Variants in ANKRD18B observed in about 807,000 individuals in gnomAD.
ANKRD18B encodes the protein ankyrin repeat domain 18B.
A neutral mutation model predicts 111.8 loss-of-function variants in ANKRD18B; 75 were observed. The observed-to-expected ratio is 0.67, with a 90% CI of 0.56 to 0.81. ANKRD18B has a LOEUF of 0.81. Ranked by LOEUF, ANKRD18B falls within the 40% of genes least tolerant of loss-of-function variation. The pLI is 0.00. For missense variants in ANKRD18B, 1,038 were observed against 1,225.5 expected (o/e 0.85, Z 2.28); for synonymous variants, 356 against 417.3 (o/e 0.85, Z 1.79).
intron 17 of ANKRD18B, among the ~76,000 whole-genome samples, chr9:33,570,483 C>T (rs886713642): frequency 2.0e-5 from 3 of 151,124 alleles, no homozygotes; most frequent in Non-Finnish European, 4.4e-5. Flanking sequence ...CTTTACTATA[C>T]ATATTTTTTT....
chr9:33,574,789 A>T (rs2040571420), downstream of ANKRD18B, among the ~76,000 whole-genome samples: 1 of 152,116 alleles, frequency 6.6e-6, no homozygotes, highest in South Asian at 2.1e-4. Flanking sequence ...GCATGCACAC[A>T]TGTCAGTTCA....
chr9:33,524,560 C>T lies in ANKRD18B; in HGVS notation c.71C>T (p.Ala24Val). 1 of 1,551,384 alleles carries T rather than the reference C, an allele frequency of 6.4e-7. No individual in the cohort carries two copies. Residue 24 changes from alanine (A) to valine (V), a missense_variant, in exon 1 of 19, where the codon GCG becomes GTG. By Grantham distance (64) the Ala-to-Val change is moderately conservative (BLOSUM62 0). This residue lies in a region of ANKRD18B where 216 missense variants were observed against 205.1 expected (regional missense o/e 1.05). Transcript: ENST00000684830. ...ALLSSMDQEY[A>V]GRGYHIRDWE... is the part of the protein sequence containing the mutation. ...CTGAGCTCCATGGACCAAGAGTATGCGGGTCGGGGGTACCACATTCGGGAC... is the reference window on the plus strand; with the variant it reads ...CTGAGCTCCATGGACCAAGAGTATGTGGGTCGGGGGTACCACATTCGGGAC...
chr9:33,545,598 G>T (rs534143808), intron 10 of ANKRD18B, among the ~76,000 whole-genome samples: 2 of 152,298 alleles, frequency 1.3e-5, no homozygotes, highest in Admixed American at 1.3e-4. Context: ...ACATATGACA[G>T]TCCCACTGCT....
chr9:33,525,608 G>A (rs1012519840), intron 1 of ANKRD18B, among the ~76,000 whole-genome samples: 17 of 152,016 alleles, frequency 1.1e-4, no homozygotes, highest in African/African-American at 3.4e-4. Flanking sequence ...TACATTTTAC[G>A]TTAACAGTGG....
intron 12 of ANKRD18B, among the ~76,000 whole-genome samples, chr9:33,554,474 G>A (rs1402451726): frequency 2.0e-5 from 3 of 152,182 alleles, no homozygotes; most frequent in South Asian, 2.1e-4. Context: ...CCAGGTTAAC[G>A]TTTTGAGATA....
At position 33,534,399 on chromosome 9, in the gene ANKRD18B, AC is replaced by A; in HGVS notation, c.633del (p.Leu212CysfsTer34). 1 of 1,549,626 alleles carries A rather than the reference AC, an allele frequency of 6.5e-7. No individual in the cohort carries two copies. On this transcript the variant is annotated frameshift_variant, in exon 5 of 19. Coordinates refer to ENST00000684830, the MANE Select transcript of ANKRD18B (RefSeq NM_001393611.1). LOFTEE classifies it high-confidence loss of function. ...GCCCTCATACTTGCAGTACAGCATA[AC>A]TTGTCAAGTATCGTCACCCTCCTGC... Reference protein sequence around the residue: ...RTALILAVQHNLSSIVTLLLQ... With the variant: ...RTALILAVQHXLSSIVTLLLQ...
intron 10 of ANKRD18B, among the ~76,000 whole-genome samples, chr9:33,545,320 C>T (rs539405931): frequency 1.6e-4 from 25 of 152,204 alleles, no homozygotes; most frequent in South Asian, 6.2e-4. Flanking sequence ...TATGCAAATA[C>T]GAGAAAATAT....
Position 33,548,355 on chromosome 9 carries a change from G to A in ANKRD18B, c.1567G>A (p.Val523Ile), listed in dbSNP as rs773496196. The change falls in exon 11 of 19, where the codon GTT becomes ATT. Residue 523 changes from valine (V) to isoleucine (I), a missense_variant. By Grantham distance (29) the Val-to-Ile change is conservative. This residue lies in a region of ANKRD18B where 205 missense variants were observed against 201.3 expected (regional missense o/e 1.02). Coordinates refer to ENST00000684830, the MANE Select transcript of ANKRD18B (RefSeq NM_001393611.1). Reference protein sequence around the residue: ...LELVLWRADDVSRHETMGSNI... With the variant: ...LELVLWRADDISRHETMGSNI... ...ACTAGTTTTATGGAGAGCAGATGAT[G>A]TTTCTAGACATGAAACAATGGGTTC... The A allele has an allele frequency of 5.8e-6, 9 of 1,549,910 alleles. No homozygotes were observed. The highest frequency in any genetic ancestry group is 1.2e-5 in the South Asian group (1 of 83,588).
In ANKRD18B at chr9:33,548,252, T is replaced by A; in HGVS notation, c.1464T>A (p.Ala488=). The stretch of plus-strand genomic sequence containing the variant: ...AACACAACAAAGAAAGACTAGAAGC[T>A]GAAGTTGAATCCCTCCATTCTAACT... ...KEKHNKERLE[A]EVESLHSNLA... is the part of the protein sequence containing the mutation. The change falls in exon 11 of 19, where the codon GCT becomes GCA. Residue 488 remains alanine, a synonymous_variant. Coordinates refer to ENST00000684830, the MANE Select transcript of ANKRD18B (RefSeq NM_001393611.1). 1 of 1,551,122 alleles carries A rather than the reference T, an allele frequency of 6.4e-7. No homozygotes were observed. The highest frequency in any genetic ancestry group is 2.4e-5 in the East Asian group (1 of 40,904).
chr9:33,568,969 G>C, intron 17 of ANKRD18B, 76 bp downstream of exon 17: 1 of 1,331,188 alleles, frequency 7.5e-7, no homozygotes, highest in Non-Finnish European at 1.0e-6. Flanking sequence ...GTGAAATACT[G>C]AGTTGTTCTG....
intron 1 of ANKRD18B, among the ~76,000 whole-genome samples, chr9:33,526,110 T>A (rs1828021489): frequency 6.6e-6 from 1 of 152,204 alleles, no homozygotes; most frequent in African/African-American, 2.4e-5. Context: ...TTTGTGAGAA[T>A]AAAGAGCAGT....
At chr9:33,549,696 A>G (rs1695150693) in intron 11 of ANKRD18B, among the ~76,000 whole-genome samples, 1 of 152,148 alleles carries the variant, frequency 6.6e-6, no homozygotes, top group Non-Finnish European at 1.5e-5. Context: ...TGTCAGTCTC[A>G]CATTATGTAT....
At position 33,568,729 on chromosome 9, in the gene ANKRD18B, G is replaced by T; in HGVS notation, c.3013G>T (p.Glu1005Ter). The change falls in exon 17 of 19, where the codon GAA (glutamate) becomes TAA (stop). Residue 1005 changes from glutamate to a stop codon, truncating the protein, a stop_gained. Coordinates refer to ENST00000684830, the MANE Select transcript of ANKRD18B (RefSeq NM_001393611.1). LOFTEE classifies it high-confidence loss of function. ...TKLFMEKERM[E>*]YFLSTLPMRP... ...GCTCTTTATGGAGAAAGAGCGGATG[G>T]AATATTTTCTCAGCACTCTTCCTAT... 1.9e-6 allele frequency: 3 copies of T among 1,551,284 alleles called. No homozygotes were observed. The South Asian group carries it at 3.6e-5, about 18-fold the overall frequency.
intron 4 of ANKRD18B, 89 bp from the exon 5 acceptor site, chr9:33,534,281 A>G (rs1828162302): frequency 2.8e-5 from 40 of 1,453,570 alleles, no homozygotes; most frequent in Non-Finnish European, 3.5e-5. Flanking sequence ...CCTGACAGGC[A>G]AGATATGAAA....
At chr9:33,534,169 C>T (rs1344341374) in intron 4 of ANKRD18B, among the ~76,000 whole-genome samples, 1 of 152,106 alleles carries the variant, frequency 6.6e-6, no homozygotes, top group Non-Finnish European at 1.5e-5. Flanking sequence ...TGCTTGTTGT[C>T]CCTGCCTTTT....
In ANKRD18B at chr9:33,550,493, T is replaced by G. The variant is rs759343499; in HGVS notation, c.2131T>G (p.Ser711Ala). Reference protein sequence around the residue: ...DHLKKFSMSESPLEGTSHCHI... With the variant: ...DHLKKFSMSEAPLEGTSHCHI... ...TCTTAAAAAATTTTCAATGTCAGAG[T>G]CTCCACTGGAAGGTACATCACATTG... The change falls in exon 12 of 19, where the codon TCT (serine) becomes GCT (alanine). Residue 711 changes from serine to alanine, a missense_variant. Around this residue, in one of 4 missense-constraint regions of ANKRD18B, gnomAD observed 524 missense variants for 677.9 expected, o/e 0.77. Coordinates refer to ENST00000684830, the MANE Select transcript of ANKRD18B (RefSeq NM_001393611.1). 23 of 1,548,236 alleles carry G rather than the reference T, an allele frequency of 1.5e-5. No homozygotes were observed. In the South Asian group the frequency reaches 2.6e-4, roughly 18 times the overall value.
At chr9:33,566,643 G>A (rs557432101) in intron 15 of ANKRD18B, 143 bp downstream of exon 15, 23 of 973,102 alleles carry the variant, frequency 2.4e-5, no homozygotes, top group South Asian at 3.9e-5. Context: ...AAAAAGTGAC[G>A]TTTTTTCCTT....
At position 33,566,397 on chromosome 9, in the gene ANKRD18B, T is replaced by A. The variant is rs182012260; in HGVS notation, c.2639T>A (p.Met880Lys). The change falls in exon 15 of 19, where the codon ATG becomes AAG. Residue 880 changes from methionine to lysine, a missense_variant. Physicochemically the swap from Met to Lys is moderately conservative, Grantham distance 95. Transcript: ENST00000684830. ...AAAGTATTAAATCTTAAGACACATA[T>A]GGAAAAAGATATGGTAGAACTTGGT... ...EEKVLNLKTH[M>K]EKDMVELGKV... is the part of the protein sequence containing the mutation. 4 of 1,603,998 alleles carry A rather than the reference T, an allele frequency of 2.5e-6. No homozygotes were observed. Among genetic ancestry groups the A allele is most frequent in the East Asian group, 2.3e-5 (1 of 44,444 alleles).
At position 33,529,774 on chromosome 9, in the gene ANKRD18B, A is replaced by T. The variant is rs1270903765; in HGVS notation, c.495+601A>T. Among the ~76,000 whole-genome samples the T allele has an allele frequency of 2.0e-5, 3 of 152,210 alleles. No individual in the cohort carries two copies. The East Asian group carries it at 5.8e-4, about 29-fold the overall frequency. ...GGGTAATCATTTTTGGTTTGGTAAA[A>T]AGAGTGACTGAAACTTGCCTAAAGA... On this transcript the variant is annotated intron_variant, in intron 3 of 18. Coordinates refer to ENST00000684830, the MANE Select transcript of ANKRD18B (RefSeq NM_001393611.1).
Sources: allele counts gnomAD v4.1 joint callset (sites outside exome capture counted in the v4.1 genomes callset), GRCh38; gene constraint gnomAD v4.1.1; regional missense constraint gnomAD v4.1.1; transcripts MANE v1.5; gene names NCBI Gene and HGNC (gene_info 2026-07-23, HGNC 2026-07-21).